Variants in SRBD1 observed in about 807,000 individuals in gnomAD.
SRBD1 encodes S1 RNA binding domain 1, also known as S1 RNA-binding domain-containing protein 1.
A neutral mutation model predicts 115.3 loss-of-function variants in SRBD1; 88 were observed. That is an observed-to-expected ratio of 0.76 (90% CI 0.64 to 0.91). The LOEUF (loss-of-function observed/expected upper bound fraction) is 0.91, where lower values mean the gene tolerates loss of function less well. Among genes scored for constraint, SRBD1 ranks in the 40% least tolerant of loss-of-function variants. The pLI is 0.00. For missense variants in SRBD1, 1,385 were observed against 1,177.4 expected (o/e 1.18, Z -2.58); for synonymous variants, 509 against 407.7 (o/e 1.25, Z -2.99).
At chr2:45,535,557 A>C (rs1671740151) in intron 14 of SRBD1, among the ~76,000 whole-genome samples, 1 of 151,998 alleles carries the variant, frequency 6.6e-6, no homozygotes, top group Non-Finnish European at 1.5e-5. Flanking sequence ...ACAATTTCTC[A>C]ACAATTACCA....
intron 14 of SRBD1, among the ~76,000 whole-genome samples, chr2:45,509,002 G>A (rs1160839633): frequency 3.9e-5 from 6 of 152,160 alleles, no homozygotes; most frequent in African/African-American, 1.4e-4. Flanking sequence ...GCAGGGAGGT[G>A]CAGAGAAAGA....
At chr2:45,540,524 T>C (rs960814687) in intron 14 of SRBD1, among the ~76,000 whole-genome samples, 3 of 152,006 alleles carry the variant, frequency 2.0e-5, no homozygotes, top group South Asian at 2.1e-4. Flanking sequence ...AATTGATAAA[T>C]TGGACTTTCT....
intron 16 of SRBD1, among the ~76,000 whole-genome samples, chr2:45,429,806 G>C (rs1362582816): frequency 6.6e-6 from 1 of 152,190 alleles, no homozygotes; most frequent in Non-Finnish European, 1.5e-5. Flanking sequence ...TCAGGCAAGA[G>C]AAAGAAATAA....
At chr2:45,495,478 C>A (rs1477687412) in intron 14 of SRBD1, among the ~76,000 whole-genome samples, 2 of 152,188 alleles carry the variant, frequency 1.3e-5, no homozygotes, top group Non-Finnish European at 2.9e-5. Context: ...ATCTCACTCT[C>A]TCTCTCTCTT....
chr2:45,444,874 C>T (rs560026591), intron 16 of SRBD1, among the ~76,000 whole-genome samples: 88 of 152,286 alleles, frequency 5.8e-4, no homozygotes, highest in African/African-American at 2.1e-3. Context: ...CAAAGGCAAC[C>T]TTCTGGCATG....
intron 12 of SRBD1, among the ~76,000 whole-genome samples, chr2:45,549,568 G>C (rs1672229739): frequency 6.6e-6 from 1 of 151,754 alleles, no homozygotes; most frequent in Admixed American, 6.6e-5. Flanking sequence ...GAAAATAAGA[G>C]TAACGTTAAT....
chr2:45,549,696 C>CAAAAAAAAAAAAAA (rs10646755), intron 12 of SRBD1, among the ~76,000 whole-genome samples: 4 of 84,728 alleles, frequency 4.7e-5, no homozygotes, highest in Admixed American at 1.5e-4. Context: ...ACTAAAAATA[C>CAAAAAAAAAAAAAA]AAAAAAAAAA....
intron 19 of SRBD1, among the ~76,000 whole-genome samples, chr2:45,401,176 A>G (rs1667282620): frequency 6.6e-6 from 1 of 152,220 alleles, no homozygotes; most frequent in South Asian, 2.1e-4. Flanking sequence ...AACTGGGCCC[A>G]GTGGCACACA....
intron 1 of SRBD1, 56 bp downstream of exon 1, chr2:45,611,163 G>A (rs947507603): frequency 2.0e-5 from 3 of 152,196 alleles, no homozygotes; most frequent in African/African-American, 2.4e-5. Context: ...CCGGAGCCCG[G>A]ACGCCGGGCT....
intron 14 of SRBD1, among the ~76,000 whole-genome samples, chr2:45,499,845 T>C (rs113967446): frequency 0.029 from 4,370 of 150,684 alleles, 211 homozygotes; most frequent in African/African-American, 0.1. Context: ...TTCTGTTCCA[T>C]TGGTCTATGT....
intron 5 of SRBD1, among the ~76,000 whole-genome samples, chr2:45,582,027 C>T (rs1341432613): frequency 6.6e-6 from 1 of 152,180 alleles, no homozygotes; most frequent in Non-Finnish European, 1.5e-5. Flanking sequence ...CCATCATTAT[C>T]AGGTAATTAA....
intron 16 of SRBD1, among the ~76,000 whole-genome samples, chr2:45,425,459 T>C (rs1668124053): frequency 6.6e-6 from 1 of 152,046 alleles, no homozygotes; most frequent in Admixed American, 6.6e-5. Context: ...TACAAATAAA[T>C]TATGGAACAG....
At chr2:45,456,422 T>TA (rs999134507) in intron 16 of SRBD1, among the ~76,000 whole-genome samples, 8 of 151,826 alleles carry the variant, frequency 5.3e-5, no homozygotes, top group Admixed American at 2.0e-4. Flanking sequence ...TAAGTGATGG[T>TA]AAAAAAAACT....
intron 18 of SRBD1, among the ~76,000 whole-genome samples, chr2:45,417,930 C>T (rs568029752): frequency 3.3e-5 from 5 of 152,334 alleles, no homozygotes; most frequent in African/African-American, 9.6e-5. Flanking sequence ...TGCCTTAGGA[C>T]TGTGCACACT....
In SRBD1 at chr2:45,488,252, A is replaced by G; in HGVS notation, c.1954T>C (p.Leu652=). 6.2e-7 allele frequency: 1 copy of G among 1,613,812 alleles called. No individual in the cohort carries two copies. Among genetic ancestry groups the G allele is most frequent in the Non-Finnish European group, 8.5e-7 (1 of 1,179,896 alleles). The change falls in exon 15 of 21, where the codon TTG becomes CTG. Residue 652 remains leucine (L), a synonymous_variant. Coordinates refer to ENST00000263736, the MANE Select transcript of SRBD1 (RefSeq NM_018079.5). The part of the protein sequence containing the change: ...NKEMPGLDPN[L]RSAVSIARRV... ...CATAGTTTCTTACCTGCACTTCTCA[A>G]ATTAGGGTCCAGCCCTGGCATCTCT...
chr2:45,508,503 A>T (rs938961953), intron 14 of SRBD1, among the ~76,000 whole-genome samples: 1 of 152,174 alleles, frequency 6.6e-6, no homozygotes, highest in Non-Finnish European at 1.5e-5. Flanking sequence ...ATATGACAGG[A>T]CTCCAGTGAA....
intron 14 of SRBD1, among the ~76,000 whole-genome samples, chr2:45,540,665 T>C (rs1329069436): frequency 2.0e-5 from 3 of 152,158 alleles, no homozygotes; most frequent in Non-Finnish European, 2.9e-5. Flanking sequence ...AATACTCTTA[T>C]TCAATAATCA....
chr2:45,545,062 C>T (rs1315437925), intron 14 of SRBD1, among the ~76,000 whole-genome samples: 3 of 151,912 alleles, frequency 2.0e-5, no homozygotes, highest in African/African-American at 7.2e-5. Flanking sequence ...AGGCGGATCA[C>T]GAGGTTAAGA....
chr2:45,587,931 T>C (rs1673598569), intron 4 of SRBD1, among the ~76,000 whole-genome samples: 1 of 152,188 alleles, frequency 6.6e-6, no homozygotes, highest in South Asian at 2.1e-4. Context: ...GCTATTCAAA[T>C]GGCAATTCAA....
Sources: allele counts gnomAD v4.1 joint callset (sites outside exome capture counted in the v4.1 genomes callset), GRCh38; gene constraint gnomAD v4.1.1; transcripts MANE v1.5; gene names NCBI Gene and HGNC (gene_info 2026-07-23, HGNC 2026-07-21).